Variants in ZNF440 observed in about 807,000 individuals in gnomAD.
ZNF440 encodes zinc finger protein 440.
In ZNF440, 47 loss-of-function variants were observed where a neutral mutation model predicts 49.7. That is an observed-to-expected ratio of 0.95 (90% CI 0.75 to 1.21). The LOEUF is 1.21. Among genes scored for constraint, ZNF440 ranks in the 50% most tolerant of loss-of-function variants. ZNF440 has a pLI of 0.00. For synonymous variants in ZNF440, 255 were observed against 237.7 expected, an observed-to-expected ratio of 1.07 and a Z score of -0.67; for missense variants, 703 against 715.0, an observed-to-expected ratio of 0.98 and a Z score of 0.19.
At position 11,833,888 on chromosome 19, in the gene ZNF440, T is replaced by A. The variant is rs1483731996; in HGVS notation, c.*924T>A. 5 of 392,478 alleles carry A rather than the reference T, an allele frequency of 1.3e-5. No individual in the cohort carries two copies. Among genetic ancestry groups the A allele is most frequent in the Non-Finnish European group, 2.3e-5 (5 of 213,422 alleles). The allele number at this position is 392,478 out of a possible 1,614,324, so 24.3% of individuals were successfully genotyped here. A position where few individuals can be genotyped will look rare whatever the true frequency, so the allele number is the denominator to read the frequency against. ...AGATTCTTTGAATACAGATAATGAATGTAAACAATTAACTGTTTATAATAA... is the reference window on the plus strand; with the variant it reads ...AGATTCTTTGAATACAGATAATGAAAGTAAACAATTAACTGTTTATAATAA... On this transcript the variant is annotated 3_prime_UTR_variant, in exon 4 of 4. Transcript: ENST00000304060.
rs1366742557 is a variant in ZNF440 at position 11,834,624 on chromosome 19, T to G, written c.*1660T>G. 3 of 152,120 alleles carry G rather than the reference T, an allele frequency of 2.0e-5. No homozygotes were observed. Among genetic ancestry groups the G allele is most frequent in the Non-Finnish European group, 4.4e-5 (3 of 68,020 alleles). 9.4% of individuals were successfully genotyped at this position (152,120 alleles called of 1,614,324 possible). ...AGTCACATTAGTAAGAAGAGAAAAA[T>G]TTTGGTCATGTTTATGATTTGAAAT... On this transcript the variant is annotated 3_prime_UTR_variant, in exon 4 of 4. Transcript: ENST00000304060.
At chr19:11,820,734 T>G (rs145853177) in intron 1 of ZNF440, among the ~76,000 whole-genome samples, 188 of 152,210 alleles carry the variant, frequency 1.2e-3, no homozygotes, top group African/African-American at 4.3e-3. Flanking sequence ...GCTCAGCTTC[T>G]CTCTCCCAAC....
chr19:11,833,732 G>C lies in ZNF440; in HGVS notation c.*768G>C. On this transcript the variant is annotated 3_prime_UTR_variant, in exon 4 of 4. Transcript: ENST00000304060. Reference sequence around the variant, plus strand: ...ATCATGAAAGGACTCACACTGGAGAGAAGCCCTATGAATATAAGCAATGTG... The same window carrying C: ...ATCATGAAAGGACTCACACTGGAGACAAGCCCTATGAATATAAGCAATGTG... The C allele has an allele frequency of 1.3e-6, 1 of 780,822 alleles. No homozygotes were observed. The highest frequency in any genetic ancestry group is 1.9e-5 in the South Asian group (1 of 52,076). The allele number at this position is 780,822 out of a possible 1,614,324, so 48.4% of individuals were successfully genotyped here.
At chr19:11,825,177 T>TA (rs978540459) in intron 1 of ZNF440, among the ~76,000 whole-genome samples, 1 of 151,364 alleles carries the variant, frequency 6.6e-6, no homozygotes, top group African/African-American at 2.4e-5. Context: ...TAAAAAATAA[T>TA]AAAAAATAAA....
intron 1 of ZNF440, among the ~76,000 whole-genome samples, chr19:11,825,427 C>G (rs1353854926): frequency 2.0e-5 from 3 of 151,878 alleles, no homozygotes. Context: ...CCTCAAAATC[C>G]CCTGTGCTCC....
At chr19:11,831,109 A>G (rs1975931488) in intron 3 of ZNF440, among the ~76,000 whole-genome samples, 1 of 152,252 alleles carries the variant, frequency 6.6e-6, no homozygotes, top group Admixed American at 6.5e-5. Context: ...CAAAAGAAAA[A>G]TGACACAGAG....
intron 1 of ZNF440, among the ~76,000 whole-genome samples, chr19:11,821,628 G>A (rs1321426347): frequency 2.0e-5 from 3 of 152,242 alleles, no homozygotes; most frequent in Admixed American, 6.5e-5. Context: ...GTCATTGAGC[G>A]CTTCGGTGAG....
Position 11,832,765 on chromosome 19 carries a change from T to G in ZNF440, c.1589T>G (p.Phe530Cys), listed in dbSNP as rs535234979. 1 of 1,613,084 alleles carries G rather than the reference T, an allele frequency of 6.2e-7. No individual in the cohort carries two copies. The highest frequency in any genetic ancestry group is 8.5e-7 in the Non-Finnish European group (1 of 1,179,734). ...VGKPSELCQSFECMVGLTLKR... is the reference protein window; with the variant it reads ...VGKPSELCQSCECMVGLTLKR... ...AAGCCTTCAGAGCTGTGTCAATCCT[T>G]TGAATGCATGGTAGGACTCACCCTG... is the stretch of plus-strand genomic sequence containing the variant. The change falls in exon 4 of 4, where the codon TTT becomes TGT. Residue 530 changes from phenylalanine (F) to cysteine (C), a missense_variant. Phe to Cys is a radical substitution (Grantham distance 205). Coordinates refer to ENST00000304060, the MANE Select transcript of ZNF440 (RefSeq NM_152357.3).
In ZNF440 at chr19:11,830,325, G is replaced by A. The variant is rs183772834; in HGVS notation, c.46G>A (p.Glu16Lys). 18 of 1,614,216 alleles carry A rather than the reference G, an allele frequency of 1.1e-5. No individual in the cohort carries two copies. In the African/African-American group the frequency reaches 2.1e-4, roughly 19 times the overall value. ...FKDVAVNFTQ[E>K]EWALLDISQR... The stretch of plus-strand genomic sequence containing the variant: ...GGATGTGGCTGTGAACTTCACCCAG[G>A]AGGAGTGGGCTTTGCTGGATATTTC... The change falls in exon 2 of 4, where the codon GAG becomes AAG. Residue 16 changes from glutamate to lysine, a missense_variant. Coordinates refer to ENST00000304060, the MANE Select transcript of ZNF440 (RefSeq NM_152357.3).
At chr19:11,821,965 A>ACATT (rs2145120706) in intron 1 of ZNF440, among the ~76,000 whole-genome samples, 1 of 152,370 alleles carries the variant, frequency 6.6e-6, no homozygotes, top group African/African-American at 2.4e-5. Context: ...TCCAGGATGC[A>ACATT]CATTCAACCA....
intron 1 of ZNF440, among the ~76,000 whole-genome samples, chr19:11,828,789 A>G (rs1289280345): frequency 6.6e-6 from 1 of 151,816 alleles, no homozygotes; most frequent in Non-Finnish European, 1.5e-5. Context: ...GCTTCAAGCA[A>G]TTCTCCTGCC....
Position 11,830,692 on chromosome 19 carries a change from C to G in ZNF440, c.191+15C>G, listed in dbSNP as rs750165880. The G allele has an allele frequency of 1.9e-6, 3 of 1,612,408 alleles. No homozygotes were observed. The highest frequency in any genetic ancestry group is 1.3e-5 in the African/African-American group (1 of 74,800). On this transcript the variant is annotated intron_variant, in intron 3 of 3. Coordinates refer to ENST00000304060, the MANE Select transcript of ZNF440 (RefSeq NM_152357.3). Reference sequence around the variant, plus strand: ...AGAAACTTCAGGTAATTTGTACTTACAAGACAAAGCAGTGTCTCTCTAGAC... The same window carrying G: ...AGAAACTTCAGGTAATTTGTACTTAGAAGACAAAGCAGTGTCTCTCTAGAC...
intron 1 of ZNF440, among the ~76,000 whole-genome samples, chr19:11,815,284 T>TCA (rs3223082): frequency 0.11 from 13,536 of 120,944 alleles, 792 homozygotes; most frequent in Middle Eastern, 0.15. Context: ...GGCAACTCCG[T>TCA]CACACACACA....
rs1057213207 is a variant in ZNF440, at chr19:11,831,647, C to T, written c.471C>T (p.Pro157=). The change falls in exon 4 of 4, where the codon CCC becomes CCT. Residue 157 remains proline, a synonymous_variant. Transcript: ENST00000304060. ...CTAAAAAAGCCTTCAGATACCGCCC[C>T]TCCTTTAGAACACAAGAAAGGGATC... ...QQPKKAFRYR[P]SFRTQERDHT... is the part of the protein sequence containing the mutation. 1.1e-5 allele frequency: 18 copies of T among 1,614,160 alleles called. No individual in the cohort carries two copies. Among genetic ancestry groups the T allele is most frequent in the Non-Finnish European group, 1.5e-5 (18 of 1,180,028 alleles).
At chr19:11,814,512 G>T in intron 1 of ZNF440, 62 bp downstream of exon 1, 1 of 1,428,008 alleles carries the variant, frequency 7.0e-7, no homozygotes, top group African/African-American at 1.5e-5. Flanking sequence ...GCCGGAACCG[G>T]CTGAGGCGGG....
chr19:11,818,417 A>G (rs1975759076), intron 1 of ZNF440, among the ~76,000 whole-genome samples: 1 of 152,098 alleles, frequency 6.6e-6, no homozygotes, highest in South Asian at 2.1e-4. Flanking sequence ...GATGGAGCTG[A>G]ACTTAAATTG....
Position 11,832,009 on chromosome 19 carries a change from A to G in ZNF440, c.833A>G (p.His278Arg). Residue 278 changes from histidine to arginine, a missense_variant, in exon 4 of 4, where the codon CAC becomes CGC. Physicochemically the swap from His to Arg is conservative, Grantham distance 29. Transcript: ENST00000304060. ...PRSYRRHERI[H>R]MGEKAYQCKE... The stretch of plus-strand genomic sequence containing the variant: ...TCCTATCGTAGACATGAAAGGATTC[A>G]CATGGGAGAAAAGGCTTATCAATGT... 2 of 1,614,048 alleles carry G rather than the reference A, an allele frequency of 1.2e-6. No individual in the cohort carries two copies. The highest frequency in any genetic ancestry group is 2.2e-5 in the East Asian group (1 of 44,884).
intron 1 of ZNF440, among the ~76,000 whole-genome samples, chr19:11,826,955 G>A (rs758772808): frequency 2.0e-5 from 3 of 151,388 alleles, no homozygotes; most frequent in Admixed American, 2.0e-4. Context: ...GAGCCACTGC[G>A]CCCGGGCTGT....
In ZNF440 at chr19:11,814,368, T is replaced by G. The variant is rs1457316259; in HGVS notation, c.-80T>G. 5.5e-6 allele frequency: 8 copies of G among 1,467,038 alleles called. No individual in the cohort carries two copies. The highest frequency in any genetic ancestry group is 4.9e-5 in the Admixed American group (2 of 40,782). The allele number at this position is 1,467,038 out of a possible 1,614,324, so 90.9% of individuals were successfully genotyped here. On this transcript the variant is annotated 5_prime_UTR_variant, in exon 1 of 4. Transcript: ENST00000304060. Reference sequence around the variant, plus strand: ...CTAGGTGCCTCCACCAGAGCTTCTGTCGCTCTGTAACCTGCACTGTGACCT... The same window carrying G: ...CTAGGTGCCTCCACCAGAGCTTCTGGCGCTCTGTAACCTGCACTGTGACCT...
Sources: gnomAD v4.1 joint callset for allele counts (sites outside exome capture counted in the v4.1 genomes callset) on GRCh38, gnomAD v4.1.1 for gene constraint, MANE v1.5 for transcripts, NCBI Gene and HGNC (gene_info 2026-07-23, HGNC 2026-07-21) for gene names.